Variants in C1orf21 observed in about 807,000 individuals in gnomAD.
C1orf21 encodes uncharacterized protein C1orf21.
In C1orf21, 3 loss-of-function variants were observed where a neutral mutation model predicts 18.7. That is an observed-to-expected ratio of 0.16 (90% confidence interval 0.07 to 0.42). The LOEUF (loss-of-function observed/expected upper bound fraction) is 0.42. C1orf21 is among the 10% of genes least tolerant of loss of function. The pLI, the probability that C1orf21 is intolerant of heterozygous loss-of-function variation, is 0.99. For missense variants in C1orf21, 104 were observed against 143.6 expected (o/e 0.72, Z 1.41); for synonymous variants, 41 against 46.4 (o/e 0.88, Z 0.47).
intron 5 of C1orf21, among the ~76,000 whole-genome samples, chr1:184,603,423 A>T (rs1177759790): frequency 6.6e-6 from 1 of 152,218 alleles, no homozygotes; most frequent in African/African-American, 2.4e-5. Context: ...GGCTCTGTTG[A>T]TTGACATTAT....
At chr1:184,450,915 T>G (rs1300808257) in intron 1 of C1orf21, among the ~76,000 whole-genome samples, 1 of 152,224 alleles carries the variant, frequency 6.6e-6, no homozygotes, top group Non-Finnish European at 1.5e-5. Flanking sequence ...TCTTCCTCTA[T>G]CGCCCAGGCT....
intron 1 of C1orf21, among the ~76,000 whole-genome samples, chr1:184,453,401 T>C (rs1657151955): frequency 6.6e-6 from 1 of 152,218 alleles, no homozygotes; most frequent in Admixed American, 6.5e-5. Flanking sequence ...TTCATAAAAT[T>C]TTAGTTTGAA....
chr1:184,516,850 G>T (rs1658237960), intron 3 of C1orf21, among the ~76,000 whole-genome samples: 1 of 152,184 alleles, frequency 6.6e-6, no homozygotes, highest in Non-Finnish European at 1.5e-5. Flanking sequence ...CTGCAGAAAT[G>T]AAGACTTGGA....
intron 3 of C1orf21, among the ~76,000 whole-genome samples, chr1:184,516,006 T>G (rs2101967239): frequency 6.6e-6 from 1 of 152,238 alleles, no homozygotes. Context: ...AGAGATGGGG[T>G]TTCACTATGA....
intron 3 of C1orf21, among the ~76,000 whole-genome samples, chr1:184,562,132 A>G (rs1398825537): frequency 6.6e-6 from 1 of 152,192 alleles, no homozygotes; most frequent in Non-Finnish European, 1.5e-5. Flanking sequence ...GTTCTAGAAA[A>G]CTAGTACATG....
chr1:184,558,208 T>C (rs1038903651), intron 3 of C1orf21, among the ~76,000 whole-genome samples: 2 of 152,210 alleles, frequency 1.3e-5, no homozygotes, highest in Non-Finnish European at 2.9e-5. Flanking sequence ...TCTGTTTCCC[T>C]TTCCTACCAG....
intron 3 of C1orf21, among the ~76,000 whole-genome samples, chr1:184,569,733 T>G (rs1659082717): frequency 6.6e-6 from 1 of 152,140 alleles, no homozygotes; most frequent in Non-Finnish European, 1.5e-5. Flanking sequence ...CAAGACAGAA[T>G]GATGATAGAA....
chr1:184,561,864 A>T (rs1260747678), intron 3 of C1orf21, among the ~76,000 whole-genome samples: 1 of 152,054 alleles, frequency 6.6e-6, no homozygotes, highest in Non-Finnish European at 1.5e-5. Flanking sequence ...CGAACTCCTG[A>T]CATCATGATC....
At chr1:184,575,669 T>A (rs1477495939) in intron 3 of C1orf21, among the ~76,000 whole-genome samples, 2 of 135,560 alleles carry the variant, frequency 1.5e-5, no homozygotes, top group Admixed American at 1.4e-4. Context: ...TGCAACAGAA[T>A]CCATACATTT....
chr1:184,541,977 G>T (rs1658658943), intron 3 of C1orf21, among the ~76,000 whole-genome samples: 1 of 152,204 alleles, frequency 6.6e-6, no homozygotes, highest in South Asian at 2.1e-4. Context: ...ATATGCTGAA[G>T]TTGAATATTC....
At position 184,514,029 on chromosome 1, in the gene C1orf21, G is replaced by C. The variant is rs539102602; in HGVS notation, c.189+6347G>C. On this transcript the variant is annotated intron_variant, in intron 3 of 5. Coordinates refer to ENST00000235307, the MANE Select transcript of C1orf21 (RefSeq NM_030806.4). ...AAATGGGAGTGGGCTACGTGCGGTG[G>C]CTCATGCCTATAATTCCAGCACTTT... Among the ~76,000 whole-genome samples the C allele has an allele frequency of 3.9e-5, 6 of 152,298 alleles. No individual in the cohort carries two copies. In the South Asian group the frequency reaches 1.2e-3, roughly 32 times the overall value.
At chr1:184,439,473 TCA>T (rs1656911310) in intron 1 of C1orf21, among the ~76,000 whole-genome samples, 2 of 151,640 alleles carry the variant, frequency 1.3e-5, no homozygotes, top group East Asian at 3.9e-4. Flanking sequence ...TCCATCAAAC[TCA>T]CTCTATAGGA....
chr1:184,484,941 A>G (rs1014026533), intron 2 of C1orf21, among the ~76,000 whole-genome samples: 1 of 151,232 alleles, frequency 6.6e-6, no homozygotes, highest in African/African-American at 2.4e-5. Context: ...ATGCCAATCT[A>G]TTACTCATCT....
At chr1:184,446,310 AT>A (rs1657029244) in intron 1 of C1orf21, among the ~76,000 whole-genome samples, 1 of 151,792 alleles carries the variant, frequency 6.6e-6, no homozygotes, top group African/African-American at 2.4e-5. Context: ...TTTTATTTCT[AT>A]TCCTTTTCCT....
Position 184,628,875 on chromosome 1 carries a change from A to G in C1orf21, c.*9319A>G, listed in dbSNP as rs1246374074. 2.6e-5 allele frequency: 4 copies of G among 152,374 alleles called. No individual in the cohort carries two copies. Among genetic ancestry groups the G allele is most frequent in the Non-Finnish European group, 5.9e-5 (4 of 67,974 alleles). The allele number at this position is 152,374 out of a possible 1,614,324, so 9.4% of individuals were successfully genotyped here. On this transcript the variant is annotated 3_prime_UTR_variant, in exon 6 of 6. Transcript: ENST00000235307. ...GAATATTATTTTTGATTTGACCACCAAGATGTAATGATGATTCTATTCCAT... is the reference window on the plus strand; with the variant it reads ...GAATATTATTTTTGATTTGACCACCGAGATGTAATGATGATTCTATTCCAT...
chr1:184,573,658 C>T (rs921637525), intron 3 of C1orf21, among the ~76,000 whole-genome samples: 4 of 151,860 alleles, frequency 2.6e-5, no homozygotes, highest in South Asian at 2.1e-4. Flanking sequence ...ACAGGAAAAG[C>T]GTTAACAGTT....
intron 1 of C1orf21, among the ~76,000 whole-genome samples, chr1:184,418,681 A>G (rs1318231709): frequency 6.6e-6 from 1 of 152,198 alleles, no homozygotes; most frequent in Non-Finnish European, 1.5e-5. Flanking sequence ...TTGTGGATTC[A>G]TTAATTTTGA....
At chr1:184,610,643 G>A (rs532576399) in intron 5 of C1orf21, among the ~76,000 whole-genome samples, 42 of 152,170 alleles carry the variant, frequency 2.8e-4, no homozygotes, top group Non-Finnish European at 5.1e-4. Flanking sequence ...TCAAGAGATC[G>A]AGACCATCCT....
chr1:184,514,282 G>A (rs945522081), intron 3 of C1orf21, among the ~76,000 whole-genome samples: 1 of 152,144 alleles, frequency 6.6e-6, no homozygotes, highest in Non-Finnish European at 1.5e-5. Context: ...TCTAGCCTGA[G>A]TGACAGAGCA....
Sources: gnomAD v4.1 joint callset for allele counts (sites outside exome capture counted in the v4.1 genomes callset) on GRCh38, gnomAD v4.1.1 for gene constraint, MANE v1.5 for transcripts, NCBI Gene and HGNC (gene_info 2026-07-23, HGNC 2026-07-21) for gene names.